The following MPND variants were observed in gnomAD, a reference collection of about 807,000 sequenced individuals.
MPND encodes the protein MPN domain-containing protein.
MPND carries 56 observed loss-of-function variants against 59.2 expected under a neutral mutation model. The ratio of observed to expected loss-of-function variants is 0.95; its 90% CI spans 0.76 to 1.18. The LOEUF (loss-of-function observed/expected upper bound fraction) is 1.18. Among genes scored for constraint, MPND ranks in the 50% most tolerant of loss-of-function variants. The pLI is 0.00. For missense variants in MPND, 671 were observed against 676.0 expected (o/e 0.99, Z 0.08); for synonymous variants, 323 against 291.9 (o/e 1.11, Z -1.09).
intron 3 of MPND, among the ~76,000 whole-genome samples, chr19:4,347,628 C>T (rs996942692): frequency 6.6e-6 from 1 of 152,068 alleles, no homozygotes; most frequent in African/African-American, 2.4e-5. Flanking sequence ...AAGCAGACCA[C>T]AAATGGTTAC....
intron 3 of MPND, among the ~76,000 whole-genome samples, chr19:4,351,786 C>G (rs1372551749): frequency 7.0e-6 from 1 of 142,552 alleles, no homozygotes; most frequent in Non-Finnish European, 1.5e-5. Flanking sequence ...CACTTGAACC[C>G]GGGAGGTGGA....
At chr19:4,357,981 G>A in intron 10 of MPND, 102 bp from the exon 11 acceptor site, 2 of 905,076 alleles carry the variant, frequency 2.2e-6, no homozygotes, top group Non-Finnish European at 1.7e-6. Context: ...CTGAGCCGGG[G>A]TGTGCACTCT....
At chr19:4,345,528 C>G (rs570609323) in intron 2 of MPND, among the ~76,000 whole-genome samples, 1 of 152,082 alleles carries the variant, frequency 6.6e-6, no homozygotes, top group Admixed American at 6.6e-5. Flanking sequence ...TCATGGTGGG[C>G]GGGGTGCAGA....
chr19:4,358,368 A>T, intron 11 of MPND, 196 bp downstream of exon 11: 1 of 563,632 alleles, frequency 1.8e-6, no homozygotes, highest in Non-Finnish European at 3.2e-6. Context: ...GCCCTCCCTC[A>T]CCTCCCCACC....
chr19:4,358,252 G>C, intron 11 of MPND, 80 bp downstream of exon 11: 1 of 1,300,772 alleles, frequency 7.7e-7, no homozygotes. Flanking sequence ...CTTCCCACCG[G>C]TGGGCTTGGG....
Position 4,343,799 on chromosome 19 carries a change from G to C in MPND, c.99G>C (p.Pro33=), listed in dbSNP as rs1169292719. The C allele has an allele frequency of 4.7e-5, 57 of 1,208,830 alleles. No individual in the cohort carries two copies. The South Asian group carries it at 9.1e-4, about 19-fold the overall frequency. 74.9% of individuals were successfully genotyped at this position (1,208,830 alleles called of 1,614,324 possible). The stretch of plus-strand genomic sequence containing the variant: ...CGGAGGCCGAGGACCCTGAGCGGCC[G>C]AATGCGGGAGCGGGCGGTGGACGCA... ...DEAEAEDPER[P]NAGAGGGRSG... The change falls in exon 2 of 13, where the codon CCG becomes CCC. Residue 33 remains proline (P), a synonymous_variant. Coordinates refer to ENST00000599840, the MANE Select transcript of MPND (RefSeq NM_001300862.2).
intron 11 of MPND, 31 bp from the exon 12 acceptor site, chr19:4,359,132 G>A (rs757915483): frequency 6.5e-7 from 1 of 1,537,680 alleles, no homozygotes; most frequent in African/African-American, 1.4e-5. Context: ...CTTGGAGGGA[G>A]CCTGGGAGTC....
chr19:4,358,290 C>A, intron 11 of MPND, 118 bp downstream of exon 11: 1 of 893,112 alleles, frequency 1.1e-6, no homozygotes, highest in Non-Finnish European at 1.7e-6. Context: ...GCCTTGGGGG[C>A]CTGGGTTAGG....
intron 3 of MPND, among the ~76,000 whole-genome samples, chr19:4,351,943 C>T (rs189828212): frequency 0.013 from 1,937 of 149,236 alleles, 24 homozygotes; most frequent in Middle Eastern, 0.036. Context: ...GAGGCTGAGG[C>T]AGGTGGGTCA....
intron 3 of MPND, among the ~76,000 whole-genome samples, chr19:4,352,112 G>A (rs1972332030): frequency 6.6e-6 from 1 of 151,986 alleles, no homozygotes; most frequent in African/African-American, 2.4e-5. Context: ...GGCAGAGGTT[G>A]CAGTGAGCCA....
chr19:4,343,676 G>C, intron 1 of MPND, 32 bp from the exon 2 acceptor site: 8 of 967,390 alleles, frequency 8.3e-6, no homozygotes, highest in Non-Finnish European at 1.0e-5. Context: ...CGTGGGGCGA[G>C]CGGCCTCCCT....
chr19:4,345,962 C>T lies in MPND; in HGVS notation c.512C>T (p.Pro171Leu). ...CTCCGGCTGCACCAGCTGCACACGCCTGCCACGGCTGCTGATGAGGTACGT... is the reference window on the plus strand; with the variant it reads ...CTCCGGCTGCACCAGCTGCACACGCTTGCCACGGCTGCTGATGAGGTACGT... ...TWLRLHQLHT[P>L]ATAADESPAS... The change falls in exon 3 of 13, where the codon CCT (proline) becomes CTT (leucine). Residue 171 changes from proline (P) to leucine (L), a missense_variant. Physicochemically the swap from Pro to Leu is moderately conservative, Grantham distance 98. Transcript: ENST00000599840. 1.2e-6 allele frequency: 2 copies of T among 1,612,412 alleles called. No individual in the cohort carries two copies. Among genetic ancestry groups the T allele is most frequent in the Non-Finnish European group, 1.7e-6 (2 of 1,179,610 alleles).
intron 2 of MPND, among the ~76,000 whole-genome samples, chr19:4,345,390 AAT>A (rs1426596038): frequency 9.2e-5 from 14 of 152,310 alleles, no homozygotes; most frequent in South Asian, 8.3e-4. Flanking sequence ...TTGATTTGTG[AAT>A]GGTAGCACAT....
rs532523741 is a variant in MPND, at chr19:4,351,684, A to G, written c.532-1213A>G. Among the ~76,000 whole-genome samples the G allele has an allele frequency of 8.6e-5, 13 of 151,454 alleles. No individual in the cohort carries two copies. In the South Asian group the frequency reaches 2.7e-3, roughly 32 times the overall value. The stretch of plus-strand genomic sequence containing the variant: ...GAGACCATCCTGGCTAACACGGTGA[A>G]ACCCCATCTCTACTAAAAATACAAA... On this transcript the variant is annotated intron_variant, in intron 3 of 12. Coordinates refer to ENST00000599840, the MANE Select transcript of MPND (RefSeq NM_001300862.2).
intron 3 of MPND, among the ~76,000 whole-genome samples, chr19:4,351,483 T>C (rs918139737): frequency 1.3e-5 from 2 of 152,188 alleles, no homozygotes; most frequent in African/African-American, 2.4e-5. Context: ...TCTAGGTGTA[T>C]GCTAAATGCT....
chr19:4,353,799 G>A, intron 4 of MPND: 2 of 453,952 alleles, frequency 4.4e-6, no homozygotes, highest in Non-Finnish European at 4.0e-6. Flanking sequence ...CTGGACTTGA[G>A]CAATCCTCTC....
intron 12 of MPND, among the ~76,000 whole-genome samples, chr19:4,359,555 C>CA (rs1388448611): frequency 6.6e-6 from 1 of 152,166 alleles, no homozygotes; most frequent in African/African-American, 2.4e-5. Flanking sequence ...GGTAGTGGTT[C>CA]CTGGTTTCCC....
chr19:4,353,601 C>G (rs1972368989), intron 4 of MPND, among the ~76,000 whole-genome samples: 1 of 151,954 alleles, frequency 6.6e-6, no homozygotes, highest in African/African-American at 2.4e-5. Context: ...TTGCTCTGTC[C>G]CCCAGGGCAG....
At chr19:4,349,322 C>T (rs759030292) in intron 3 of MPND, among the ~76,000 whole-genome samples, 20 of 152,214 alleles carry the variant, frequency 1.3e-4, no homozygotes, top group Admixed American at 7.9e-4. Context: ...GTGATCCACT[C>T]GCTTCGGTAT....
Sources: gnomAD v4.1 joint callset for allele counts (sites outside exome capture counted in the v4.1 genomes callset) on GRCh38, gnomAD v4.1.1 for gene constraint, MANE v1.5 for transcripts, NCBI Gene and HGNC (gene_info 2026-07-23, HGNC 2026-07-21) for gene names.